The following AGAP1 variants were observed in gnomAD, a reference collection of about 807,000 sequenced individuals.
The protein encoded by AGAP1 is ArfGAP with GTPase domain, ankyrin repeat and PH domain 1.
AGAP1 carries 29 observed loss-of-function variants against 105.3 expected under a neutral mutation model. The observed-to-expected ratio is 0.28, with a 90% CI of 0.21 to 0.38. The LOEUF (loss-of-function observed/expected upper bound fraction) is 0.38. Ranked by LOEUF, AGAP1 falls within the 10% of genes least tolerant of loss-of-function variation. AGAP1 has a pLI of 1.00. For missense variants in AGAP1, 998 were observed against 1,165.1 expected, an observed-to-expected ratio of 0.86 and a Z score of 2.09; for synonymous variants, 509 against 485.9, an observed-to-expected ratio of 1.05 and a Z score of -0.63.
Position 235,550,672 on chromosome 2 carries a change from C to T in AGAP1, c.163+55823C>T, listed in dbSNP as rs529663327. Among the ~76,000 whole-genome samples the T allele has an allele frequency of 7.2e-5, 11 of 152,330 alleles. No individual in the cohort carries two copies. Among genetic ancestry groups the T allele is most frequent in the South Asian group, 2.1e-4 (1 of 4,826 alleles). ...GGATCAGCACCATCCACACCTGAGG[C>T]GTGGGGATCTCCGGGCATGATGCGG... On this transcript the variant is annotated intron_variant, in intron 1 of 17. Coordinates refer to ENST00000304032, the MANE Select transcript of AGAP1 (RefSeq NM_001037131.3). The surrounding 1 kb of genome is among the most constrained non-coding windows in gnomAD (Gnocchi z 4.6).
intron 9 of AGAP1, among the ~76,000 whole-genome samples, chr2:235,858,002 T>G (rs10208161): frequency 6.6e-6 from 1 of 151,922 alleles, no homozygotes; most frequent in Non-Finnish European, 1.5e-5. Flanking sequence ...GGAGAGTTTA[T>G]GAGATACACC....
At chr2:235,652,153 G>T (rs1420456090) in intron 1 of AGAP1, among the ~76,000 whole-genome samples, 2 of 152,208 alleles carry the variant, frequency 1.3e-5, no homozygotes, top group African/African-American at 4.8e-5. Flanking sequence ...CCAGGTGGCA[G>T]AGGCAGCTTT....
chr2:235,739,955 T>G lies in AGAP1; in HGVS notation c.311-1008T>G, dbSNP rs1355181109. Among the ~76,000 whole-genome samples the G allele has an allele frequency of 6.6e-6, 1 of 152,108 alleles. No homozygotes were observed. Among genetic ancestry groups the G allele is most frequent in the East Asian group, 1.9e-4 (1 of 5,188 alleles). On this transcript the variant is annotated intron_variant, in intron 3 of 17. Transcript: ENST00000304032. The surrounding 1 kb of genome is among the most constrained non-coding windows in gnomAD (Gnocchi z 5.3). ...TCCTCTGGGTCCAGCGATTTGGGGT[T>G]TAGACAGGGTTTCTGGACGGCATCT...
At chr2:235,695,048 A>C (rs1949933478) in intron 1 of AGAP1, among the ~76,000 whole-genome samples, 1 of 152,228 alleles carries the variant, frequency 6.6e-6, no homozygotes, top group South Asian at 2.1e-4. Flanking sequence ...TAGACTGTAT[A>C]ACCTCAAAAC....
At chr2:235,949,173 T>C (rs909914823) in intron 12 of AGAP1, among the ~76,000 whole-genome samples, 2 of 152,166 alleles carry the variant, frequency 1.3e-5, no homozygotes, top group Non-Finnish European at 2.9e-5. Context: ...GAAGGCCCCT[T>C]CTTTCATACA....
At chr2:235,521,402 T>C (rs1942607486) in intron 1 of AGAP1, among the ~76,000 whole-genome samples, 1 of 150,488 alleles carries the variant, frequency 6.6e-6, no homozygotes, top group Admixed American at 6.6e-5. Flanking sequence ...CTTTGATTCT[T>C]AAAGATAAAT....
Position 235,786,230 on chromosome 2 carries a change from A to G in AGAP1, c.674-11529A>G, listed in dbSNP as rs139650493. 7.9e-3 allele frequency among the ~76,000 whole-genome samples: 1,209 copies of G among 152,340 alleles called. 18 individuals carry two copies. The highest frequency in any genetic ancestry group is 0.028 in the African/African-American group (1,166 of 41,582). On this transcript the variant is annotated intron_variant, in intron 6 of 17. Transcript: ENST00000304032. ...ACGCTGATTTGCATCCAGCTTGAGA[A>G]TAAGTGAGAGAGAAAGTTAATCATC...
chr2:236,103,084 G>A (rs574955789), intron 16 of AGAP1, among the ~76,000 whole-genome samples: 87 of 142,288 alleles, frequency 6.1e-4, no homozygotes, highest in African/African-American at 2.1e-3. Flanking sequence ...CATTCTGACC[G>A]TGACTCCCAG....
Position 235,905,837 on chromosome 2 carries a change from T to C in AGAP1, c.1156-2901T>C, listed in dbSNP as rs1487429503. Among the ~76,000 whole-genome samples, 1 of 152,224 alleles carries C rather than the reference T, an allele frequency of 6.6e-6. No individual in the cohort carries two copies. Among genetic ancestry groups the C allele is most frequent in the African/African-American group, 2.4e-5 (1 of 41,470 alleles). On this transcript the variant is annotated intron_variant, in intron 10 of 17. Transcript: ENST00000304032. This position sits in a 1 kb window ranked among gnomAD's most constrained non-coding sequence, Gnocchi z 4.2. The stretch of plus-strand genomic sequence containing the variant: ...ATTTGTCACCCTCAACACAGCGCAG[T>C]CCTGAGAATTCCTGTGCCGCTTCCA...
At chr2:235,554,463 G>A (rs956347963) in intron 1 of AGAP1, among the ~76,000 whole-genome samples, 2 of 152,182 alleles carry the variant, frequency 1.3e-5, no homozygotes, top group African/African-American at 4.8e-5. Flanking sequence ...ATGCTGCTGT[G>A]TTACAGCCCT....
chr2:235,894,916 C>T (rs2050730433), intron 10 of AGAP1, among the ~76,000 whole-genome samples: 1 of 152,218 alleles, frequency 6.6e-6, no homozygotes, highest in East Asian at 1.9e-4. Flanking sequence ...TCCTGGGACT[C>T]AGGCACAGTG....
In AGAP1 at chr2:236,055,777, CCTTA is replaced by C. The variant is rs761305083; in HGVS notation, c.2114+6501_2114+6504del. On this transcript the variant is annotated intron_variant, in intron 16 of 17. Transcript: ENST00000304032. The surrounding 1 kb of genome is among the most constrained non-coding windows in gnomAD (Gnocchi z 6.2). ...GCAACAGCTGCTCAGGGACCTCAGC[CCTTA>C]CTTAAGATATTTTAGCAACTTCTCT... Among the ~76,000 whole-genome samples the C allele has an allele frequency of 2.0e-5, 3 of 152,164 alleles. No individual in the cohort carries two copies. The highest frequency in any genetic ancestry group is 4.4e-5 in the Non-Finnish European group (3 of 68,032).
intron 13 of AGAP1, among the ~76,000 whole-genome samples, chr2:235,998,937 TATG>T (rs748019389): frequency 2.1e-5 from 3 of 145,684 alleles, no homozygotes; most frequent in Non-Finnish European, 4.5e-5. Flanking sequence ...ATCAATATGG[TATG>T]GTGGTGATGA....
chr2:236,125,393 C>G lies in AGAP1; in HGVS notation c.*1271C>G, dbSNP rs574938935. On this transcript the variant is annotated 3_prime_UTR_variant, in exon 18 of 18. Coordinates refer to ENST00000304032, the MANE Select transcript of AGAP1 (RefSeq NM_001037131.3). The surrounding 1 kb of genome is among the most constrained non-coding windows in gnomAD (Gnocchi z 5.2). Reference sequence around the variant, plus strand: ...AAAATATTCCCAGCAGTAAACACTTCCATTAATGTGATCTACGGCTTTTGA... The same window carrying G: ...AAAATATTCCCAGCAGTAAACACTTGCATTAATGTGATCTACGGCTTTTGA... 9.8e-5 allele frequency: 15 copies of G among 152,450 alleles called. No individual in the cohort carries two copies. Among genetic ancestry groups the G allele is most frequent in the Non-Finnish European group, 1.9e-4 (13 of 68,022 alleles). 9.4% of individuals were successfully genotyped at this position (152,450 alleles called of 1,614,324 possible).
intron 1 of AGAP1, among the ~76,000 whole-genome samples, chr2:235,585,120 C>T (rs1309644998): frequency 3.3e-5 from 5 of 152,008 alleles, no homozygotes; most frequent in African/African-American, 1.2e-4. Context: ...GGATTCATTT[C>T]TTATCGCTGT....
rs1434057821 is a variant in AGAP1 at position 235,701,243 on chromosome 2, TG to T, written c.164-7933del. Among the ~76,000 whole-genome samples, 1 of 152,016 alleles carries T rather than the reference TG, an allele frequency of 6.6e-6. No individual in the cohort carries two copies. Among genetic ancestry groups the T allele is most frequent in the Non-Finnish European group, 1.5e-5 (1 of 68,014 alleles). ...ACCTGCAAATCCTCTAGAGCCCATTTGGGCCGGCAAACTTTTGCCTTGGGAT... is the reference window on the plus strand; with the variant it reads ...ACCTGCAAATCCTCTAGAGCCCATTTGGCCGGCAAACTTTTGCCTTGGGAT... On this transcript the variant is annotated intron_variant, in intron 1 of 17. Coordinates refer to ENST00000304032, the MANE Select transcript of AGAP1 (RefSeq NM_001037131.3). The surrounding 1 kb of genome is among the most constrained non-coding windows in gnomAD (Gnocchi z 4.1).
rs1291928425 is a variant in AGAP1 at position 235,882,320 on chromosome 2, T to C, written c.1051-1025T>C. ...GGTCGCTCTTCCTCCACATCACAAC[T>C]GGGGTCTTAAGGATGACGAGGGCAG... On this transcript the variant is annotated intron_variant, in intron 9 of 17. Transcript: ENST00000304032. This position sits in a 1 kb window ranked among gnomAD's most constrained non-coding sequence, Gnocchi z 4.6. The C allele has an allele frequency of 2.3e-6, 2 of 874,746 alleles. No individual in the cohort carries two copies. Among genetic ancestry groups the C allele is most frequent in the Non-Finnish European group, 3.5e-6 (2 of 564,848 alleles). 54.2% of individuals were successfully genotyped at this position (874,746 alleles called of 1,614,324 possible). A position where few individuals can be genotyped will look rare whatever the true frequency, so the allele number is the denominator to read the frequency against.
In AGAP1 at chr2:235,867,572, T is replaced by TGTGCGTGTGC. The variant is rs1553655422; in HGVS notation, c.1051-15769_1051-15768insGTGTGCGTGC. On this transcript the variant is annotated intron_variant, in intron 9 of 17. Coordinates refer to ENST00000304032, the MANE Select transcript of AGAP1 (RefSeq NM_001037131.3). This position sits in a 1 kb window ranked among gnomAD's most constrained non-coding sequence, Gnocchi z 5.4. ...GTGTGTGTGTGTGTGTGTGTGTGTGTGTGCAAGTGAGGGAGGGTGACCCCC... is the reference window on the plus strand; with the variant it reads ...GTGTGTGTGTGTGTGTGTGTGTGTGTGTGCGTGTGCGTGCAAGTGAGGGAGGGTGACCCCC... Among the ~76,000 whole-genome samples the TGTGCGTGTGC allele has an allele frequency of 2.7e-5, 4 of 148,370 alleles. No individual in the cohort carries two copies. In the Admixed American group the frequency reaches 2.7e-4, roughly 10 times the overall value.
intron 12 of AGAP1, among the ~76,000 whole-genome samples, chr2:235,966,975 TC>T (rs1451983475): frequency 6.6e-6 from 1 of 152,186 alleles, no homozygotes; most frequent in Non-Finnish European, 1.5e-5. Context: ...AAAAATATTT[TC>T]AATTCATTTT....
Sources: allele counts gnomAD v4.1 joint callset (sites outside exome capture counted in the v4.1 genomes callset), GRCh38; gene constraint gnomAD v4.1.1; non-coding constraint Gnocchi (gnomAD v3.1); transcripts MANE v1.5; gene names NCBI Gene and HGNC (gene_info 2026-07-23, HGNC 2026-07-21).